Variants in ATP2B1 observed in about 807,000 individuals in gnomAD.
The protein encoded by ATP2B1 is plasma membrane calcium-transporting ATPase 1.
ATP2B1 carries 14 observed loss-of-function variants against 124.2 expected under a neutral mutation model. That is an observed-to-expected ratio of 0.11 (90% CI 0.07 to 0.18). ATP2B1 has a LOEUF of 0.18. Ranked by LOEUF, ATP2B1 falls within the 10% of genes least tolerant of loss-of-function variation. ATP2B1 has a pLI of 1.00. For missense variants in ATP2B1, 763 were observed against 1,466.1 expected, an observed-to-expected ratio of 0.52 and a Z score of 7.83; for synonymous variants, 449 against 492.4, an observed-to-expected ratio of 0.91 and a Z score of 1.17.
intron 1 of ATP2B1, among the ~76,000 whole-genome samples, chr12:89,688,213 A>C (rs1301680641): frequency 6.6e-6 from 1 of 152,126 alleles, no homozygotes; most frequent in Admixed American, 6.6e-5. Context: ...CAGGTGATGA[A>C]TTTACAGCAC....
chr12:89,655,447 G>T (rs892217464), intron 2 of ATP2B1: 12 of 514,040 alleles, frequency 2.3e-5, no homozygotes, highest in Admixed American at 9.6e-5. Flanking sequence ...ATATATAATG[G>T]AACAAAATAT....
In ATP2B1 at chr12:89,635,098, C is replaced by T. The variant is rs746461484; in HGVS notation, c.560G>A (p.Arg187Gln). The T allele has an allele frequency of 1.2e-5, 19 of 1,613,784 alleles. No homozygotes were observed. Among genetic ancestry groups the T allele is most frequent in the East Asian group, 4.5e-5 (2 of 44,876 alleles). ...AGTGAACTTCTGTTCTTGTTCAATT[C>T]GGCTCTGCAAACCTCTAAACTGTTT... ...KEKQFRGLQS[R>Q]IEQEQKFTVI... Residue 187 changes from arginine (R) to glutamine (Q), a missense_variant, in exon 4 of 21, where the codon CGA becomes CAA. Physicochemically the swap from Arg to Gln is conservative, Grantham distance 43 (BLOSUM62 1). Around this residue, in one of 7 missense-constraint regions of ATP2B1, gnomAD observed 392 missense variants for 776.6 expected, o/e 0.50. Coordinates refer to ENST00000428670, the MANE Select transcript of ATP2B1 (RefSeq NM_001366521.1).
chr12:89,589,490 T>C lies in ATP2B1; in HGVS notation c.*1494A>G, dbSNP rs193169766. 2 of 152,180 alleles carry C rather than the reference T, an allele frequency of 1.3e-5. No homozygotes were observed. Among genetic ancestry groups the C allele is most frequent in the Admixed American group, 1.3e-4 (2 of 15,268 alleles). 9.4% of individuals were successfully genotyped at this position (152,180 alleles called of 1,614,324 possible). A position where few individuals can be genotyped will look rare whatever the true frequency, so the allele number is the denominator to read the frequency against. ...TTTCATGTAATCTCATTTTACCTAA[T>C]CTGTTATTTGGCCACTTAAGAATTA... is the stretch of plus-strand genomic sequence containing the variant. On this transcript the variant is annotated 3_prime_UTR_variant, in exon 21 of 21. Transcript: ENST00000428670.
At chr12:89,652,256 T>C (rs920031309) in intron 2 of ATP2B1, among the ~76,000 whole-genome samples, 2 of 152,216 alleles carry the variant, frequency 1.3e-5, no homozygotes, top group African/African-American at 4.8e-5. Flanking sequence ...AATTCTAAGA[T>C]GCACATATTC....
At chr12:89,679,038 C>T (rs944775897) in intron 1 of ATP2B1, among the ~76,000 whole-genome samples, 1 of 151,598 alleles carries the variant, frequency 6.6e-6, no homozygotes, top group Non-Finnish European at 1.5e-5. Flanking sequence ...AGAGTAGATC[C>T]AAAGCTACTT....
intron 5 of ATP2B1, among the ~76,000 whole-genome samples, chr12:89,633,958 A>T (rs1592806455): frequency 6.6e-6 from 1 of 152,304 alleles, no homozygotes; most frequent in East Asian, 1.9e-4. Flanking sequence ...AAAAGTTAGA[A>T]TAATTAATAT....
intron 1 of ATP2B1, among the ~76,000 whole-genome samples, chr12:89,671,149 G>A (rs1887926498): frequency 6.6e-6 from 1 of 152,176 alleles, no homozygotes; most frequent in East Asian, 1.9e-4. Flanking sequence ...TAATAAAATG[G>A]ATTGAGCAGA....
upstream of ATP2B1, chr12:89,709,305 G>T (rs139420030): frequency 0.062 from 9,452 of 152,048 alleles, 361 homozygotes; most frequent in East Asian, 0.18. Context: ...TGCCACAGCC[G>T]CCACCGCCGC....
chr12:89,612,791 A>T (rs1036975996), intron 12 of ATP2B1, among the ~76,000 whole-genome samples: 1 of 152,196 alleles, frequency 6.6e-6, no homozygotes, highest in Non-Finnish European at 1.5e-5. Flanking sequence ...TGTTTACCTG[A>T]ATCTTCAATG....
At chr12:89,638,097 A>AG (rs1222160987) in intron 3 of ATP2B1, among the ~76,000 whole-genome samples, 2 of 152,148 alleles carry the variant, frequency 1.3e-5, no homozygotes, top group Admixed American at 1.3e-4. Context: ...GAGAAGTTAT[A>AG]GGGGAAAAAG....
intron 1 of ATP2B1, among the ~76,000 whole-genome samples, chr12:89,665,692 A>G (rs1462685525): frequency 6.6e-6 from 1 of 152,264 alleles, no homozygotes; most frequent in Admixed American, 6.5e-5. Context: ...AGATTTCTAA[A>G]TTAAAACTGT....
At chr12:89,644,861 C>T (rs1348479172) in intron 2 of ATP2B1, among the ~76,000 whole-genome samples, 2 of 152,026 alleles carry the variant, frequency 1.3e-5, no homozygotes, top group African/African-American at 2.4e-5. Flanking sequence ...TAACAGGGAC[C>T]AATATTTTAT....
intron 1 of ATP2B1, among the ~76,000 whole-genome samples, chr12:89,701,683 T>C (rs1002236865): frequency 1.3e-5 from 2 of 152,208 alleles, no homozygotes; most frequent in African/African-American, 4.8e-5. Context: ...GCAGGACTTT[T>C]CCACTTCTGA....
At chr12:89,679,056 TAAAA>T (rs987582794) in intron 1 of ATP2B1, among the ~76,000 whole-genome samples, 2 of 148,894 alleles carry the variant, frequency 1.3e-5, no homozygotes, top group African/African-American at 4.9e-5. Flanking sequence ...CTTAAGGCAT[TAAAA>T]AAAAAATCAC....
chr12:89,631,814 CT>C (rs773593693), intron 5 of ATP2B1, among the ~76,000 whole-genome samples: 271 of 144,438 alleles, frequency 1.9e-3, no homozygotes, highest in Middle Eastern at 3.6e-3. Flanking sequence ...GGTTATACAA[CT>C]TTTTTTTTTT....
chr12:89,675,328 TAGAG>T (rs1888476159), intron 1 of ATP2B1, among the ~76,000 whole-genome samples: 1 of 152,174 alleles, frequency 6.6e-6, no homozygotes, highest in African/African-American at 2.4e-5. Context: ...TTTAACAGTA[TAGAG>T]AGAATCATGT....
chr12:89,628,228 C>A (rs548139834), intron 6 of ATP2B1, among the ~76,000 whole-genome samples: 1 of 151,750 alleles, frequency 6.6e-6, no homozygotes, highest in African/African-American at 2.4e-5. Flanking sequence ...CATGGTGAAA[C>A]CCTGTCTCTA....
intron 6 of ATP2B1, among the ~76,000 whole-genome samples, chr12:89,628,190 G>C (rs1408598476): frequency 6.6e-6 from 1 of 151,848 alleles, no homozygotes; most frequent in Non-Finnish European, 1.5e-5. Context: ...ATCATCTGAG[G>C]TCGGGAGTTC....
chr12:89,647,688 C>A (rs1454571309), intron 2 of ATP2B1, among the ~76,000 whole-genome samples: 1 of 152,180 alleles, frequency 6.6e-6, no homozygotes, highest in African/African-American at 2.4e-5. Flanking sequence ...GTATGTATGT[C>A]TGTGATATAG....
Sources: allele counts gnomAD v4.1 joint callset (sites outside exome capture counted in the v4.1 genomes callset), GRCh38; gene constraint gnomAD v4.1.1; regional missense constraint gnomAD v4.1.1; transcripts MANE v1.5; gene names NCBI Gene and HGNC (gene_info 2026-07-23, HGNC 2026-07-21).